The following EYS variants were observed in gnomAD, a reference collection of about 807,000 sequenced individuals.
EYS encodes the protein EGF-like photoreceptor maintenance factor, also known as protein eyes shut homolog.
A neutral mutation model predicts 282.1 loss-of-function variants in EYS; 250 were observed. That is an observed-to-expected ratio of 0.89 (90% CI 0.80 to 0.98). The LOEUF (loss-of-function observed/expected upper bound fraction) is 0.98. Ranked by LOEUF, EYS falls within the 50% of genes least tolerant of loss-of-function variation. The pLI is 0.00. For missense variants in EYS, 4,016 were observed against 3,709.0 expected (o/e 1.08, Z -2.15); for synonymous variants, 1,355 against 1,282.9 (o/e 1.06, Z -1.20).
At chr6:63,866,693 G>A (rs1186254141) in intron 35 of EYS, among the ~76,000 whole-genome samples, 28 of 152,194 alleles carry the variant, frequency 1.8e-4, no homozygotes. Context: ...CAGGCAACTA[G>A]AGTAGAGAGA....
At chr6:64,612,275 C>T (rs1196235283) in intron 24 of EYS, among the ~76,000 whole-genome samples, 1 of 152,010 alleles carries the variant, frequency 6.6e-6, no homozygotes, top group African/African-American at 2.4e-5. Flanking sequence ...CTGTAATTAA[C>T]ACTTTCATCG....
intron 26 of EYS, among the ~76,000 whole-genome samples, chr6:64,588,088 T>C (rs935998481): frequency 6.6e-6 from 1 of 152,002 alleles, no homozygotes; most frequent in African/African-American, 2.4e-5. Context: ...ATAAGTTAAT[T>C]TGCTCAACAA....
At chr6:64,985,692 C>T (rs1193666004) in intron 14 of EYS, among the ~76,000 whole-genome samples, 3 of 151,454 alleles carry the variant, frequency 2.0e-5, no homozygotes, top group Non-Finnish European at 4.4e-5. Context: ...ATATGAGTTT[C>T]AGAGAAAAAC....
chr6:63,973,857 C>G (rs1253476993), intron 35 of EYS, among the ~76,000 whole-genome samples: 1 of 152,112 alleles, frequency 6.6e-6, no homozygotes, highest in Non-Finnish European at 1.5e-5. Context: ...CTTCAAATCA[C>G]TCAAGGTTTA....
chr6:64,678,765 A>G (rs1769789475), intron 22 of EYS, among the ~76,000 whole-genome samples: 1 of 151,942 alleles, frequency 6.6e-6, no homozygotes, highest in Non-Finnish European at 1.5e-5. Flanking sequence ...CGGGTGGATC[A>G]ATTGAGGTCT....
intron 41 of EYS, among the ~76,000 whole-genome samples, chr6:63,731,707 G>A (rs1052699056): frequency 6.6e-6 from 1 of 152,066 alleles, no homozygotes; most frequent in African/African-American, 2.4e-5. Flanking sequence ...ATTGTGAATA[G>A]TTTGAGCTAG....
intron 26 of EYS, among the ~76,000 whole-genome samples, chr6:64,567,313 T>C (rs991562447): frequency 2.0e-5 from 3 of 152,178 alleles, no homozygotes; most frequent in East Asian, 1.9e-4. Context: ...TCTGTTAAAC[T>C]GACACTCTCT....
chr6:64,620,926 G>A (rs79760201), intron 23 of EYS, among the ~76,000 whole-genome samples: 7,157 of 152,222 alleles, frequency 0.047, 206 homozygotes, highest in Middle Eastern at 0.078. Flanking sequence ...AAGTAAGTAA[G>A]TGCATAAGGA....
At chr6:64,971,022 A>C (rs1770275267) in intron 14 of EYS, among the ~76,000 whole-genome samples, 1 of 152,176 alleles carries the variant, frequency 6.6e-6, no homozygotes, top group South Asian at 2.1e-4. Context: ...AGGAAGGCAT[A>C]ACTATAGACT....
chr6:64,049,577 G>A (rs1216540547), intron 33 of EYS, among the ~76,000 whole-genome samples: 3 of 152,172 alleles, frequency 2.0e-5, no homozygotes, highest in African/African-American at 7.2e-5. Flanking sequence ...GCCCAGATGA[G>A]TGGTCTCTGG....
intron 13 of EYS, among the ~76,000 whole-genome samples, chr6:65,032,106 T>A (rs997826095): frequency 6.6e-6 from 1 of 152,028 alleles, no homozygotes; most frequent in Admixed American, 6.6e-5. Context: ...GAAACTATTA[T>A]GGACAACTCT....
chr6:63,906,364 G>T (rs1773779397), intron 35 of EYS, among the ~76,000 whole-genome samples: 1 of 152,216 alleles, frequency 6.6e-6, no homozygotes. Context: ...GCCTGCAAAA[G>T]AAGTCTGCTG....
chr6:63,837,420 G>A (rs1217642950), intron 36 of EYS, among the ~76,000 whole-genome samples: 1 of 152,004 alleles, frequency 6.6e-6, no homozygotes, highest in Non-Finnish European at 1.5e-5. Context: ...TTAGCATTCT[G>A]AAGTTGAGGT....
intron 22 of EYS, among the ~76,000 whole-genome samples, chr6:64,789,991 T>C (rs1774139717): frequency 6.6e-6 from 1 of 151,958 alleles, no homozygotes; most frequent in Admixed American, 6.6e-5. Context: ...TGTTCTTTTT[T>C]TTACGAGGAA....
intron 12 of EYS, among the ~76,000 whole-genome samples, chr6:65,224,795 C>T (rs1348123658): frequency 6.6e-6 from 1 of 151,820 alleles, no homozygotes; most frequent in Non-Finnish European, 1.5e-5. Context: ...AGTTCTATGC[C>T]AATAATTTAT....
At chr6:64,390,198 G>GGGGGGAT in intron 28 of EYS, among the ~76,000 whole-genome samples, 1 of 152,248 alleles carries the variant, frequency 6.6e-6, no homozygotes, top group African/African-American at 2.4e-5. Flanking sequence ...GGCTGGGGGA[G>GGGGGGAT]GGGTGCCCGC....
At chr6:65,023,003 A>C (rs554776263) in intron 13 of EYS, among the ~76,000 whole-genome samples, 75 of 152,228 alleles carry the variant, frequency 4.9e-4, no homozygotes, top group Admixed American at 2.2e-3. Flanking sequence ...AAAGAAAGAA[A>C]GTTGATCAGT....
At chr6:64,927,301 T>C (rs1182571656) in intron 15 of EYS, among the ~76,000 whole-genome samples, 8 of 152,106 alleles carry the variant, frequency 5.3e-5, no homozygotes, top group Non-Finnish European at 8.8e-5. Flanking sequence ...GGGGCATGCA[T>C]TGGAAATACC....
chr6:64,554,579 C>T (rs567341239), intron 26 of EYS, among the ~76,000 whole-genome samples: 55 of 151,976 alleles, frequency 3.6e-4, no homozygotes, highest in Admixed American at 6.6e-4. Flanking sequence ...AAACAATCAA[C>T]TGAGTGAAGA....
Sources: gnomAD v4.1 joint callset for allele counts (sites outside exome capture counted in the v4.1 genomes callset) on GRCh38, gnomAD v4.1.1 for gene constraint, MANE v1.5 for transcripts, NCBI Gene and HGNC (gene_info 2026-07-23, HGNC 2026-07-21) for gene names.